CSMD3: variants seen among roughly 807,000 people sequenced by gnomAD.
CSMD3 encodes CUB and sushi domain-containing protein 3.
CSMD3 carries 177 observed loss-of-function variants against 435.2 expected under a neutral mutation model. The observed-to-expected ratio is 0.41, with a 90% confidence interval of 0.36 to 0.46. The LOEUF (loss-of-function observed/expected upper bound fraction) is 0.46. Ranked by LOEUF, CSMD3 falls within the 20% of genes least tolerant of loss-of-function variation. CSMD3 has a pLI of 0.34. For synonymous variants in CSMD3, 1,656 were observed against 1,520.5 expected, an observed-to-expected ratio of 1.09 and a Z score of -2.07; for missense variants, 4,265 against 4,504.6, an observed-to-expected ratio of 0.95 and a Z score of 1.52.
intron 5 of CSMD3, among the ~76,000 whole-genome samples, chr8:113,030,126 A>G (rs1013738450): frequency 6.6e-6 from 1 of 151,512 alleles, no homozygotes; most frequent in Non-Finnish European, 1.5e-5. Context: ...AAGAAATCTT[A>G]GACAACACAA....
At chr8:112,734,244 A>G (rs1326062310) in intron 13 of CSMD3, among the ~76,000 whole-genome samples, 2 of 151,496 alleles carry the variant, frequency 1.3e-5, no homozygotes, top group East Asian at 3.9e-4. Context: ...GAAGAGGAGG[A>G]AGGAAAAAAG....
At chr8:112,322,376 G>A (rs1823081755) in intron 45 of CSMD3, among the ~76,000 whole-genome samples, 1 of 151,962 alleles carries the variant, frequency 6.6e-6, no homozygotes, top group South Asian at 2.1e-4. Flanking sequence ...GACAACATGG[G>A]TGCTGTGAGC....
chr8:113,311,158 G>A (rs1283319663), intron 2 of CSMD3: 1 of 151,960 alleles, frequency 6.6e-6, no homozygotes. Context: ...AAATAAACAA[G>A]GCTTAGAATA....
chr8:113,228,549 C>T (rs1457281335), intron 3 of CSMD3, among the ~76,000 whole-genome samples: 2 of 151,236 alleles, frequency 1.3e-5, no homozygotes, highest in African/African-American at 2.4e-5. Flanking sequence ...TTTGAACTTC[C>T]CCTTTTAAAT....
At chr8:113,093,594 T>A (rs143389386) in intron 5 of CSMD3, among the ~76,000 whole-genome samples, 7 of 152,042 alleles carry the variant, frequency 4.6e-5, no homozygotes, top group Non-Finnish European at 1.0e-4. Context: ...GGAGCAAAAA[T>A]TGATGGTATA....
At position 112,897,680 on chromosome 8, in the gene CSMD3, C is replaced by CTG. The variant is rs1359898103; in HGVS notation, c.1633+23946_1633+23947insCA. On this transcript the variant is annotated intron_variant, in intron 10 of 70. Coordinates refer to ENST00000297405, the MANE Select transcript of CSMD3 (RefSeq NM_198123.2). ...AAATACTATTTCTCTCTCTCTCTCT[C>CTG]TCTCTCTCTCTCTCTGTGTGTGTGT... Among the ~76,000 whole-genome samples, 499 of 88,666 alleles carry CTG rather than the reference C, an allele frequency of 5.6e-3. 7 individuals are homozygous for CTG. Among genetic ancestry groups the CTG allele is most frequent in the African/African-American group, 0.018 (472 of 25,786 alleles). The allele number at this position is 88,666 out of a possible 152,430, so 58.2% of individuals were successfully genotyped here.
At chr8:112,394,667 C>T (rs960823149) in intron 35 of CSMD3, among the ~76,000 whole-genome samples, 16 of 152,270 alleles carry the variant, frequency 1.1e-4, no homozygotes, top group Middle Eastern at 3.4e-3. Context: ...TCATTTTATT[C>T]AGGTTTAAAA....
intron 3 of CSMD3, among the ~76,000 whole-genome samples, chr8:113,257,017 C>G (rs1588386715): frequency 2.6e-5 from 4 of 152,218 alleles, no homozygotes; most frequent in East Asian, 3.9e-4. Context: ...GGAAGGAGTG[C>G]AGGGTGTACA....
At chr8:112,243,877 G>C (rs182236188) in intron 65 of CSMD3, among the ~76,000 whole-genome samples, 154 of 152,174 alleles carry the variant, frequency 1.0e-3, no homozygotes, top group African/African-American at 3.6e-3. Context: ...GCCACACAAA[G>C]ATACACAGAA....
chr8:113,259,438 GAAC>G (rs2093409029), intron 3 of CSMD3, among the ~76,000 whole-genome samples: 1 of 152,054 alleles, frequency 6.6e-6, no homozygotes, highest in South Asian at 2.1e-4. Flanking sequence ...TCAGAAGCTT[GAAC>G]AATAAGAATT....
intron 22 of CSMD3, among the ~76,000 whole-genome samples, chr8:112,602,638 A>G (rs1832456595): frequency 1.3e-5 from 2 of 151,824 alleles, no homozygotes; most frequent in Middle Eastern, 3.4e-3. Context: ...TTAACTCCTA[A>G]TAGCCTATTG....
At chr8:113,003,993 T>G (rs2085962676) in intron 6 of CSMD3, among the ~76,000 whole-genome samples, 1 of 152,084 alleles carries the variant, frequency 6.6e-6, no homozygotes, top group African/African-American at 2.4e-5. Flanking sequence ...AAAACTACTG[T>G]CAGAAATAAA....
At chr8:112,466,790 A>G (rs982367727) in intron 32 of CSMD3, among the ~76,000 whole-genome samples, 2 of 152,022 alleles carry the variant, frequency 1.3e-5, no homozygotes, top group African/African-American at 4.8e-5. Context: ...ACCTAAGTCT[A>G]TCAGCCCAAA....
intron 13 of CSMD3, among the ~76,000 whole-genome samples, chr8:112,762,477 A>T (rs1452045658): frequency 2.0e-5 from 3 of 151,922 alleles, no homozygotes; most frequent in Non-Finnish European, 4.4e-5. Context: ...AGACCTCTTT[A>T]CCTGACTTCT....
chr8:112,773,594 C>T lies in CSMD3; in HGVS notation c.1972+26568G>A, dbSNP rs543337961. Reference sequence around the variant, plus strand: ...AGAAACTTAAGGAAGTAAGAGTGCCCTAAGCTTTCCTTTGAGTGAATAGAC... The same window carrying T: ...AGAAACTTAAGGAAGTAAGAGTGCCTTAAGCTTTCCTTTGAGTGAATAGAC... On this transcript the variant is annotated intron_variant, in intron 13 of 70. Coordinates refer to ENST00000297405, the MANE Select transcript of CSMD3 (RefSeq NM_198123.2). 2.6e-5 allele frequency among the ~76,000 whole-genome samples: 4 copies of T among 152,012 alleles called. No homozygotes were observed. In the South Asian group the frequency reaches 8.3e-4, roughly 32 times the overall value.
At position 113,128,556 on chromosome 8, in the gene CSMD3, A is replaced by T. The variant is rs1286547349; in HGVS notation, c.710-29593T>A. Among the ~76,000 whole-genome samples, 3 of 152,096 alleles carry T rather than the reference A, an allele frequency of 2.0e-5. No homozygotes were observed. In the East Asian group the frequency reaches 5.8e-4, roughly 29 times the overall value. On this transcript the variant is annotated intron_variant, in intron 4 of 70. Transcript: ENST00000297405. ...AGAATTTATTAAAATTATACAGAGA[A>T]GGAAGACCTAGATGCATTGATACAA...
intron 12 of CSMD3, among the ~76,000 whole-genome samples, chr8:112,814,481 T>C (rs1194834846): frequency 1.3e-5 from 2 of 152,138 alleles, no homozygotes; most frequent in African/African-American, 4.8e-5. Context: ...TAAGGCCATT[T>C]AATTCAAAAT....
chr8:113,166,815 A>G (rs1488006882), intron 4 of CSMD3, among the ~76,000 whole-genome samples: 1 of 152,104 alleles, frequency 6.6e-6, no homozygotes, highest in Non-Finnish European at 1.5e-5. Context: ...TGTTATTATC[A>G]TATTCAAAAA....
Position 112,281,243 on chromosome 8 carries a change from G to T in CSMD3, c.9439C>A (p.Leu3147Ile). The change falls in exon 59 of 71, where the codon CTT (leucine) becomes ATT (isoleucine). Residue 3147 changes from leucine to isoleucine, a missense_variant. Physicochemically the swap from Leu to Ile is conservative, Grantham distance 5. This residue lies in a region of CSMD3 where 3,255 missense variants were observed against 3,380.2 expected (regional missense o/e 0.96). Coordinates refer to ENST00000297405, the MANE Select transcript of CSMD3 (RefSeq NM_198123.2). Reference protein sequence around the residue: ...VIYSCMEGYILSGPSVRQCTA... With the variant: ...VIYSCMEGYIISGPSVRQCTA... ...CACTGTCTAACTGAAGGTCCAGAAA[G>T]GATGTATCCCTCCATGCAGGAATAA... 1 of 1,613,236 alleles carries T rather than the reference G, an allele frequency of 6.2e-7. No individual in the cohort carries two copies. Among genetic ancestry groups the T allele is most frequent in the Non-Finnish European group, 8.5e-7 (1 of 1,179,336 alleles).
Sources: allele counts gnomAD v4.1 joint callset (sites outside exome capture counted in the v4.1 genomes callset), GRCh38; gene constraint gnomAD v4.1.1; regional missense constraint gnomAD v4.1.1; transcripts MANE v1.5; gene names NCBI Gene and HGNC (gene_info 2026-07-23, HGNC 2026-07-21).